Variants in TTBK2 observed in about 807,000 individuals in gnomAD.
TTBK2 encodes the protein tau-tubulin kinase 2.
A neutral mutation model predicts 110.8 loss-of-function variants in TTBK2; 28 were observed. That is an observed-to-expected ratio of 0.25 (90% CI 0.19 to 0.35). TTBK2 has a LOEUF of 0.35. Ranked by LOEUF, TTBK2 falls within the 10% of genes least tolerant of loss-of-function variation. TTBK2 has a pLI of 1.00. For synonymous variants in TTBK2, 532 were observed against 527.3 expected, an observed-to-expected ratio of 1.01 and a Z score of -0.12; for missense variants, 1,369 against 1,500.3, an observed-to-expected ratio of 0.91 and a Z score of 1.45.
At chr15:42,854,768 C>A (rs1302963157) in intron 3 of TTBK2, among the ~76,000 whole-genome samples, 1 of 152,030 alleles carries the variant, frequency 6.6e-6, no homozygotes, top group East Asian at 1.9e-4. Context: ...GGACTCGGAG[C>A]CTTAGTCATC....
At chr15:42,902,611 G>C (rs901782745) in intron 1 of TTBK2, among the ~76,000 whole-genome samples, 4 of 152,154 alleles carry the variant, frequency 2.6e-5, no homozygotes, top group Non-Finnish European at 5.9e-5. Context: ...TGCCGGTGAG[G>C]ATGTGAAAAA....
chr15:42,853,667 C>A (rs1222731028), intron 3 of TTBK2, among the ~76,000 whole-genome samples: 5 of 152,142 alleles, frequency 3.3e-5, no homozygotes, highest in Non-Finnish European at 7.3e-5. Context: ...CTATTCATCA[C>A]TGACTTAAGT....
rs763442891 is a variant in TTBK2, at chr15:42,878,527, ACT to A, written c.69+20_69+21del. ...CACACACACACACACACACACACACACTCTCTGAGATGTACACTCACCACTTT... is the reference window on the plus strand; with the variant it reads ...CACACACACACACACACACACACACACTCTGAGATGTACACTCACCACTTT... On this transcript the variant is annotated intron_variant, in intron 2 of 14. Transcript: ENST00000267890. The A allele has an allele frequency of 1.6e-5, 25 of 1,603,460 alleles. No homozygotes were observed. The highest frequency in any genetic ancestry group is 2.2e-5 in the East Asian group (1 of 44,534).
intron 3 of TTBK2, among the ~76,000 whole-genome samples, chr15:42,844,068 A>G (rs75768919): frequency 6.6e-6 from 1 of 152,040 alleles, no homozygotes; most frequent in Admixed American, 6.6e-5. Context: ...ATCATCCTCA[A>G]TGAGCCACAC....
rs780679843 is a variant in TTBK2 at position 42,829,998 on chromosome 15, C to A, written c.372G>T (p.Gln124His). ...GAATGCTTTCAATAGACTCCAAAAT[C>A]TGTCTACCCAGCCGGAGAGTGGTAC... ...TISTTLRLGR[Q>H]ILESIESIHS... is the part of the protein sequence containing the mutation. Residue 124 changes from glutamine (Q) to histidine (H), a missense_variant, in exon 5 of 15, where the codon CAG (glutamine) becomes CAT (histidine). By Grantham distance (24) the Gln-to-His change is conservative. Transcript: ENST00000267890. 11 of 1,614,020 alleles carry A rather than the reference C, an allele frequency of 6.8e-6. No individual in the cohort carries two copies. In the African/African-American group the frequency reaches 1.5e-4, roughly 22 times the overall value.
In TTBK2 at chr15:42,752,016, G is replaced by A; in HGVS notation, c.3230C>T (p.Pro1077Leu). The A allele has an allele frequency of 6.2e-7, 1 of 1,614,220 alleles. No individual in the cohort carries two copies. The highest frequency in any genetic ancestry group is 8.5e-7 in the Non-Finnish European group (1 of 1,180,044). Residue 1077 changes from proline to leucine, a missense_variant, in exon 14 of 15, where the codon CCA becomes CTA. Pro to Leu is a moderately conservative substitution (Grantham distance 98, BLOSUM62 -3). Coordinates refer to ENST00000267890, the MANE Select transcript of TTBK2 (RefSeq NM_173500.4). ...CCTCGTGGGTGGCTTTCCTGGTGGT[G>A]GCCGAGGAAAGAACTGAGACGAAGT... ...SSTSSQFFPRPPPGKPPTRPG... is the reference protein window; with the variant it reads ...SSTSSQFFPRLPPGKPPTRPG...
intron 14 of TTBK2, among the ~76,000 whole-genome samples, chr15:42,749,065 AAATGCAACTGGAGACAGACAT>A (rs1177541112): frequency 1.5e-4 from 23 of 152,232 alleles, no homozygotes; most frequent in Admixed American, 2.0e-4. Flanking sequence ...CTGATCATCA[AAATGCAACTGGAGACAGACAT>A]AATCTTTATT....
At chr15:42,903,106 G>A (rs889048793) in intron 1 of TTBK2, among the ~76,000 whole-genome samples, 2 of 152,014 alleles carry the variant, frequency 1.3e-5, no homozygotes, top group Non-Finnish European at 2.9e-5. Flanking sequence ...TGCCCGGCTG[G>A]GAATTCTTAC....
intron 1 of TTBK2, among the ~76,000 whole-genome samples, chr15:42,893,323 G>A (rs1895536586): frequency 6.6e-6 from 1 of 151,914 alleles, no homozygotes; most frequent in African/African-American, 2.4e-5. Flanking sequence ...TCAAGACCCT[G>A]TTACTACAAA....
At chr15:42,768,843 C>T (rs1218712707) in intron 13 of TTBK2, among the ~76,000 whole-genome samples, 19 of 152,188 alleles carry the variant, frequency 1.2e-4, no homozygotes, top group African/African-American at 4.3e-4. Flanking sequence ...AGGCATCATA[C>T]TACCTGACTT....
At chr15:42,763,131 C>CGTAT (rs1555421135) in intron 13 of TTBK2, among the ~76,000 whole-genome samples, 1 of 59,846 alleles carries the variant, frequency 1.7e-5, no homozygotes, top group Non-Finnish European at 2.7e-5. Flanking sequence ...CATATATATA[C>CGTAT]ATATATACAT....
At chr15:42,854,535 G>A (rs942437948) in intron 3 of TTBK2, among the ~76,000 whole-genome samples, 2 of 151,934 alleles carry the variant, frequency 1.3e-5, no homozygotes, top group Non-Finnish European at 2.9e-5. Context: ...ACGTTGTTTT[G>A]CTTAAAGTTG....
chr15:42,851,443 G>A (rs1893707938), intron 3 of TTBK2, among the ~76,000 whole-genome samples: 2 of 151,930 alleles, frequency 1.3e-5, no homozygotes, highest in Admixed American at 1.3e-4. Flanking sequence ...ACTAAAGGCT[G>A]GGGAGTGACA....
chr15:42,745,744 T>C lies in TTBK2; in HGVS notation c.*51A>G, dbSNP rs756417911. On this transcript the variant is annotated 3_prime_UTR_variant, in exon 15 of 15. Transcript: ENST00000267890. ...TAGAAAGTACAGGGACACACATGCATCAGGTTTAGGAGGAAGATCTCACAC... is the reference window on the plus strand; with the variant it reads ...TAGAAAGTACAGGGACACACATGCACCAGGTTTAGGAGGAAGATCTCACAC... 22 of 1,601,038 alleles carry C rather than the reference T, an allele frequency of 1.4e-5. No homozygotes were observed. The highest frequency in any genetic ancestry group is 1.8e-5 in the Non-Finnish European group (21 of 1,169,354).
intron 7 of TTBK2, among the ~76,000 whole-genome samples, chr15:42,815,576 A>G (rs1891903955): frequency 6.6e-6 from 1 of 152,018 alleles, no homozygotes. Flanking sequence ...GGAAAAAGTC[A>G]GCGCAGAACA....
At chr15:42,782,223 C>A (rs544572144) in intron 11 of TTBK2, among the ~76,000 whole-genome samples, 2 of 152,292 alleles carry the variant, frequency 1.3e-5, no homozygotes, top group East Asian at 3.9e-4. Flanking sequence ...AGGCACCCAC[C>A]ACCAAACCCT....
At chr15:42,780,823 G>C (rs964566438) in intron 11 of TTBK2, among the ~76,000 whole-genome samples, 1 of 152,110 alleles carries the variant, frequency 6.6e-6, no homozygotes, top group African/African-American at 2.4e-5. Context: ...AATTAGCCAA[G>C]CGTGGTGGCG....
Position 42,745,537 on chromosome 15 carries a change from A to G in TTBK2, c.*258T>C. Reference sequence around the variant, plus strand: ...AAGGCAGCTTAAAAAATGAGAGCTCATTTTAATGAGTTTCTCCCCCTTGGA... The same window carrying G: ...AAGGCAGCTTAAAAAATGAGAGCTCGTTTTAATGAGTTTCTCCCCCTTGGA... On this transcript the variant is annotated 3_prime_UTR_variant, in exon 15 of 15. Coordinates refer to ENST00000267890, the MANE Select transcript of TTBK2 (RefSeq NM_173500.4). 1 of 508,328 alleles carries G rather than the reference A, an allele frequency of 2.0e-6. No homozygotes were observed. The highest frequency in any genetic ancestry group is 3.5e-6 in the Non-Finnish European group (1 of 283,068). 31.5% of individuals were successfully genotyped at this position (508,328 alleles called of 1,614,324 possible).
chr15:42,888,852 A>ATT (rs1462573054), intron 1 of TTBK2, among the ~76,000 whole-genome samples: 1 of 152,140 alleles, frequency 6.6e-6, no homozygotes, highest in Non-Finnish European at 1.5e-5. Flanking sequence ...GTAGCTAAAG[A>ATT]AGCAGCTAGC....
Sources: gnomAD v4.1 joint callset for allele counts (sites outside exome capture counted in the v4.1 genomes callset) on GRCh38, gnomAD v4.1.1 for gene constraint, MANE v1.5 for transcripts, NCBI Gene and HGNC (gene_info 2026-07-23, HGNC 2026-07-21) for gene names.